WAPL: variants seen among roughly 807,000 people sequenced by gnomAD.
The protein encoded by WAPL is WAPL cohesin release factor.
In WAPL, 5 loss-of-function variants were observed where a neutral mutation model predicts 121.0. The ratio of observed to expected loss-of-function variants is 0.04; its 90% CI spans 0.02 to 0.09. The LOEUF (loss-of-function observed/expected upper bound fraction) is 0.09, where lower values mean the gene tolerates loss of function less well. Among genes scored for constraint, WAPL ranks in the 10% least tolerant of loss-of-function variants. WAPL has a pLI of 1.00. For missense variants in WAPL, 999 were observed against 1,410.8 expected, an observed-to-expected ratio of 0.71 and a Z score of 4.68; for synonymous variants, 480 against 481.5, an observed-to-expected ratio of 1.00 and a Z score of 0.04.
intron 2 of WAPL, 36 bp from the exon 3 acceptor site, chr10:86,500,779 G>T: frequency 6.8e-7 from 1 of 1,479,190 alleles, no homozygotes; most frequent in Non-Finnish European, 9.0e-7. Flanking sequence ...AACATGAGTG[G>T]TATCAACATA....
At chr10:86,446,137 A>T (rs1312392165) in intron 16 of WAPL, 105 bp downstream of exon 16, 57 of 1,276,932 alleles carry the variant, frequency 4.5e-5, no homozygotes, top group Non-Finnish European at 3.8e-5. Context: ...GAGGTCCTCA[A>T]GCAATAGCCA....
At chr10:86,497,140 T>A in intron 4 of WAPL, 61 bp downstream of exon 4, 1 of 1,322,604 alleles carries the variant, frequency 7.6e-7, no homozygotes, top group Non-Finnish European at 1.1e-6. Flanking sequence ...AATAAAAAAT[T>A]AAGAGTTGAG....
chr10:86,517,668 G>A lies in WAPL; in HGVS notation c.402C>T (p.Phe134=). 6.2e-7 allele frequency: 1 copy of A among 1,613,798 alleles called. No homozygotes were observed. The highest frequency in any genetic ancestry group is 8.5e-7 in the Non-Finnish European group (1 of 1,179,950). Residue 134 remains phenylalanine (F), a synonymous_variant, in exon 2 of 19, where the codon TTC becomes TTT. Coordinates refer to ENST00000298767, the MANE Select transcript of WAPL (RefSeq NM_015045.5). Reference sequence around the variant, plus strand: ...TCCCAAGTAAAGTGTCCTCCAAAGGGAAGCATTTATCAGAAACGACAGTGT... The same window carrying A: ...TCCCAAGTAAAGTGTCCTCCAAAGGAAAGCATTTATCAGAAACGACAGTGT... ...VEDTVVSDKC[F]PLEDTLLGKE...
chr10:86,442,794 C>T (rs1411453017), intron 17 of WAPL, among the ~76,000 whole-genome samples: 1 of 152,272 alleles, frequency 6.6e-6, no homozygotes, highest in East Asian at 1.9e-4. Context: ...AATCCCAGAA[C>T]TTTGGGAGTC....
intron 4 of WAPL, among the ~76,000 whole-genome samples, chr10:86,485,490 C>T (rs6586016): frequency 0.96 from 146,212 of 152,204 alleles, 70,374 homozygotes; most frequent in East Asian, 1. Context: ...TGAGCTGAGA[C>T]TGCGCCACTG....
intron 18 of WAPL, 89 bp downstream of exon 18, chr10:86,437,831 T>C (rs1849362388): frequency 1.8e-6 from 2 of 1,092,212 alleles, no homozygotes; most frequent in Non-Finnish European, 2.7e-6. Context: ...CCCTTTTTGC[T>C]CCCACTTACT....
Position 86,505,083 on chromosome 10 carries a change from T to C in WAPL, c.500-4340A>G, listed in dbSNP as rs115970063. Among the ~76,000 whole-genome samples the C allele has an allele frequency of 5.4e-3, 822 of 152,184 alleles. 7 individuals carry two copies. The highest frequency in any genetic ancestry group is 0.019 in the African/African-American group (784 of 41,546). ...AAAATAAAAGCACTGATAACTGTGA[T>C]CATGATGTAGTACAGAATTATTTTT... On this transcript the variant is annotated intron_variant, in intron 2 of 18. Coordinates refer to ENST00000298767, the MANE Select transcript of WAPL (RefSeq NM_015045.5).
At chr10:86,518,207 A>C in intron 1 of WAPL, 116 bp from the exon 2 acceptor site, 1 of 988,566 alleles carries the variant, frequency 1.0e-6, no homozygotes, top group Non-Finnish European at 1.4e-6. Context: ...CACCACACAG[A>C]CTTTTAAATA....
At chr10:86,443,035 T>G (rs1251676616) in intron 17 of WAPL, among the ~76,000 whole-genome samples, 1 of 75,100 alleles carries the variant, frequency 1.3e-5, no homozygotes, top group Non-Finnish European at 2.6e-5. Flanking sequence ...AGAACGAGAC[T>G]CCGCCTCAAA....
intron 12 of WAPL, among the ~76,000 whole-genome samples, chr10:86,457,300 G>A (rs1841171217): frequency 7.7e-6 from 1 of 130,434 alleles, no homozygotes; most frequent in African/African-American, 3.0e-5. Flanking sequence ...GACCAGCTGG[G>A]ACAACATAGC....
intron 16 of WAPL, 25 bp from the exon 17 acceptor site, chr10:86,443,388 G>GT: frequency 6.2e-7 from 1 of 1,605,808 alleles, no homozygotes; most frequent in Non-Finnish European, 8.5e-7. Flanking sequence ...GTAAAGAATT[G>GT]TAACAGTATA....
At position 86,458,971 on chromosome 10, in the gene WAPL, A is replaced by T. The variant is rs763806041; in HGVS notation, c.2657+18T>A. 2 of 1,579,542 alleles carry T rather than the reference A, an allele frequency of 1.3e-6. No homozygotes were observed. Among genetic ancestry groups the T allele is most frequent in the Non-Finnish European group, 1.7e-6 (2 of 1,156,614 alleles). On this transcript the variant is annotated intron_variant, in intron 12 of 18. Transcript: ENST00000298767. ...TAAGTAACAATGTTAGTTGTTAACT[A>T]ATAAACAAAAAACTTACTTAGCTGA...
intron 16 of WAPL, among the ~76,000 whole-genome samples, chr10:86,445,620 G>C (rs1282440238): frequency 6.6e-6 from 1 of 151,930 alleles, no homozygotes; most frequent in Admixed American, 6.6e-5. Flanking sequence ...GAATTCCTCA[G>C]CTCAAGCAAT....
chr10:86,446,170 A>C, intron 16 of WAPL, 72 bp downstream of exon 16: 2 of 1,531,758 alleles, frequency 1.3e-6, no homozygotes, highest in South Asian at 1.1e-5. Context: ...CTGCAAATTA[A>C]AATAGTTTGA....
chr10:86,503,639 G>T (rs768205101), intron 2 of WAPL, among the ~76,000 whole-genome samples: 1 of 151,860 alleles, frequency 6.6e-6, no homozygotes, highest in East Asian at 1.9e-4. Context: ...TGTAGTTCCA[G>T]CTACCCGGGA....
At chr10:86,496,551 A>G (rs1251851517) in intron 4 of WAPL, among the ~76,000 whole-genome samples, 1 of 152,212 alleles carries the variant, frequency 6.6e-6, no homozygotes, top group Non-Finnish European at 1.5e-5. Context: ...AGTGTCCATC[A>G]ACAGATGAAT....
At chr10:86,452,290 A>AG (rs1841001390) in intron 14 of WAPL, among the ~76,000 whole-genome samples, 159 bp from the exon 15 acceptor site, 1 of 13,966 alleles carries the variant, frequency 7.2e-5, no homozygotes, top group Non-Finnish European at 1.5e-4. Flanking sequence ...AAAGAAAAAA[A>AG]GAAAAAAAAA....
chr10:86,492,628 T>C (rs1478455581), intron 4 of WAPL, among the ~76,000 whole-genome samples: 1 of 152,158 alleles, frequency 6.6e-6, no homozygotes, highest in East Asian at 1.9e-4. Flanking sequence ...AACCTGAATT[T>C]AATCAAACTT....
At chr10:86,443,247 A>G in intron 17 of WAPL, 28 bp downstream of exon 17, 1 of 1,550,458 alleles carries the variant, frequency 6.4e-7, no homozygotes, top group Non-Finnish European at 8.9e-7. Flanking sequence ...TCAAAGATAC[A>G]TAAAACATCA....
Sources: gnomAD v4.1 joint callset for allele counts (sites outside exome capture counted in the v4.1 genomes callset) on GRCh38, gnomAD v4.1.1 for gene constraint, MANE v1.5 for transcripts, NCBI Gene and HGNC (gene_info 2026-07-23, HGNC 2026-07-21) for gene names.